CACNA1E: variants seen among roughly 807,000 people sequenced by gnomAD.
CACNA1E encodes the protein calcium voltage-gated channel subunit alpha1 E.
In CACNA1E, 40 loss-of-function variants were observed where a neutral mutation model predicts 259.2. That is an observed-to-expected ratio of 0.15 (90% confidence interval 0.12 to 0.20). The LOEUF (loss-of-function observed/expected upper bound fraction) is 0.20, where lower values mean the gene tolerates loss of function less well. CACNA1E is among the 10% of genes least tolerant of loss of function. The pLI is 1.00. For synonymous variants in CACNA1E, 1,104 were observed against 1,138.5 expected, an observed-to-expected ratio of 0.97 and a Z score of 0.61; for missense variants, 1,874 against 3,040.1, an observed-to-expected ratio of 0.62 and a Z score of 9.02.
intron 1 of CACNA1E, among the ~76,000 whole-genome samples, chr1:181,373,933 T>C (rs576904258): frequency 6.6e-6 from 1 of 152,332 alleles, no homozygotes; most frequent in African/African-American, 2.4e-5. Context: ...ATAAACATTG[T>C]TTATTCTTTT....
intron 6 of CACNA1E, among the ~76,000 whole-genome samples, chr1:181,625,088 G>A (rs1558198049): frequency 6.8e-6 from 1 of 148,086 alleles, no homozygotes; most frequent in Non-Finnish European, 1.5e-5. Context: ...GATCTCAACA[G>A]TGGGCTTAAA....
chr1:181,675,938 C>T (rs73043425), intron 7 of CACNA1E, among the ~76,000 whole-genome samples: 9,411 of 151,714 alleles, frequency 0.062, 981 homozygotes, highest in African/African-American at 0.21. Context: ...CTTCCTGCTC[C>T]GTTTCTCCTC....
At chr1:181,497,193 A>G (rs576554072) in intron 1 of CACNA1E, among the ~76,000 whole-genome samples, 1 of 152,310 alleles carries the variant, frequency 6.6e-6, no homozygotes, top group African/African-American at 2.4e-5. Flanking sequence ...ATGATTAAAG[A>G]GTAACAAATG....
At chr1:181,319,145 G>A (rs971061650) in intron 1 of CACNA1E, among the ~76,000 whole-genome samples, 3 of 152,124 alleles carry the variant, frequency 2.0e-5, no homozygotes, top group African/African-American at 7.2e-5. Flanking sequence ...AGAGATCTGG[G>A]GGCTTGTCGT....
intron 15 of CACNA1E, 54 bp downstream of exon 15, chr1:181,720,909 C>A: frequency 9.3e-7 from 1 of 1,076,096 alleles, no homozygotes; most frequent in Non-Finnish European, 1.4e-6. Flanking sequence ...TTGGACTGCA[C>A]ACTGCAAGAC....
intron 1 of CACNA1E, among the ~76,000 whole-genome samples, chr1:181,383,860 T>G (rs1183077598): frequency 1.3e-5 from 2 of 152,178 alleles, no homozygotes; most frequent in African/African-American, 2.4e-5. Flanking sequence ...CAAAACCTCC[T>G]ACATCATCAT....
At chr1:181,479,214 A>C (rs1419479471), upstream of CACNA1E, among the ~76,000 whole-genome samples, 1 of 152,144 alleles carries the variant, frequency 6.6e-6, no homozygotes, top group Non-Finnish European at 1.5e-5. Flanking sequence ...TTAGTACCTC[A>C]ACAAAGTCCC....
At chr1:181,356,878 C>A (rs1424843216) in intron 1 of CACNA1E, among the ~76,000 whole-genome samples, 1 of 152,076 alleles carries the variant, frequency 6.6e-6, no homozygotes, top group African/African-American at 2.4e-5. Flanking sequence ...TTAGAGTATT[C>A]TTTGGCTCCA....
At chr1:181,343,020 A>ATATT (rs994020716) in intron 1 of CACNA1E, among the ~76,000 whole-genome samples, 3 of 151,924 alleles carry the variant, frequency 2.0e-5, no homozygotes, top group African/African-American at 4.8e-5. Flanking sequence ...AGGGGGTGGT[A>ATATT]TATTGGGAGG....
chr1:181,790,151 A>C (rs2102867749), intron 43 of CACNA1E, among the ~76,000 whole-genome samples: 1 of 152,334 alleles, frequency 6.6e-6, no homozygotes, highest in African/African-American at 2.4e-5. Context: ...ATAGGTTTAC[A>C]ATCTAGTGTT....
rs1329728765 is a variant in CACNA1E at position 181,716,087 on chromosome 1, C to G, written c.1273C>G (p.Arg425Gly). 3.2e-6 allele frequency: 5 copies of G among 1,573,466 alleles called. No homozygotes were observed. The highest frequency in any genetic ancestry group is 4.3e-6 in the Non-Finnish European group (5 of 1,158,946). ...IKRSRTEAMT[R>G]DSSDEHCVDI... ...GAGGAGCCGGACAGAGGCCATGACTCGAGACTCCAGTGATGAGCACTGTGT... is the reference window on the plus strand; with the variant it reads ...GAGGAGCCGGACAGAGGCCATGACTGGAGACTCCAGTGATGAGCACTGTGT... The change falls in exon 10 of 48, where the codon CGA becomes GGA. Residue 425 changes from arginine to glycine, a missense_variant. This residue lies in a region of CACNA1E where 157 missense variants were observed against 203.5 expected (regional missense o/e 0.77). Coordinates refer to ENST00000367573, the MANE Select transcript of CACNA1E (RefSeq NM_001205293.3).
At chr1:181,665,731 C>G (rs1305613230) in intron 7 of CACNA1E, among the ~76,000 whole-genome samples, 3 of 151,886 alleles carry the variant, frequency 2.0e-5, no homozygotes, top group African/African-American at 7.3e-5. Flanking sequence ...TAAATATGTA[C>G]AATTACAATG....
intron 3 of CACNA1E, among the ~76,000 whole-genome samples, chr1:181,567,000 CAG>C (rs1372880331): frequency 6.6e-6 from 1 of 152,098 alleles, no homozygotes; most frequent in Admixed American, 6.5e-5. Flanking sequence ...ATGCATAAGG[CAG>C]CTCCCCACCA....
Position 181,758,905 on chromosome 1 carries a change from T to C in CACNA1E, c.4605+37T>C, listed in dbSNP as rs767734982. ...AATCCTTCCCAGCACTGGGCTTGTC[T>C]CTTTCTGTTGGGTGCCTTCCCAGTC... On this transcript the variant is annotated intron_variant, in intron 32 of 47. Coordinates refer to ENST00000367573, the MANE Select transcript of CACNA1E (RefSeq NM_001205293.3). This position sits in a 1 kb window ranked among gnomAD's most constrained non-coding sequence, Gnocchi z 4.2. 20 of 1,167,526 alleles carry C rather than the reference T, an allele frequency of 1.7e-5. No homozygotes were observed. Among genetic ancestry groups the C allele is most frequent in the Admixed American group, 7.1e-5 (4 of 56,176 alleles). The allele number at this position is 1,167,526 out of a possible 1,614,324, so 72.3% of individuals were successfully genotyped here.
At chr1:181,529,738 C>T (rs1667633896) in intron 3 of CACNA1E, among the ~76,000 whole-genome samples, 1 of 152,176 alleles carries the variant, frequency 6.6e-6, no homozygotes, top group Non-Finnish European at 1.5e-5. Context: ...CCTGCAACAC[C>T]TTTGTTTTGG....
Position 181,730,411 on chromosome 1 carries a change from C to G in CACNA1E, c.2241-764C>G, listed in dbSNP as rs149240676. On this transcript the variant is annotated intron_variant, in intron 18 of 47. Transcript: ENST00000367573. Reference sequence around the variant, plus strand: ...TTACCAGGCATCCTGTCTGTTTTTGCGGGAACAGTTCATACGTTGCCATTC... The same window carrying G: ...TTACCAGGCATCCTGTCTGTTTTTGGGGGAACAGTTCATACGTTGCCATTC... Among the ~76,000 whole-genome samples, 17 of 152,304 alleles carry G rather than the reference C, an allele frequency of 1.1e-4. No individual in the cohort carries two copies. The South Asian group carries it at 3.5e-3, about 32-fold the overall frequency.
chr1:181,554,597 G>A (rs756329143), intron 3 of CACNA1E, among the ~76,000 whole-genome samples: 1 of 152,140 alleles, frequency 6.6e-6, no homozygotes, highest in Non-Finnish European at 1.5e-5. Flanking sequence ...GATACTAATG[G>A]TCCTCACATT....
At chr1:181,468,311 A>G (rs536463072) in intron 2 of CACNA1E, among the ~76,000 whole-genome samples, 3 of 152,188 alleles carry the variant, frequency 2.0e-5, no homozygotes, top group Non-Finnish European at 2.9e-5. Flanking sequence ...TGCGAGTTGC[A>G]CTTGCACCTG....
chr1:181,591,853 C>T (rs1182271586), intron 6 of CACNA1E, among the ~76,000 whole-genome samples: 1 of 152,214 alleles, frequency 6.6e-6, no homozygotes, highest in African/African-American at 2.4e-5. Context: ...GCCTTTGACA[C>T]ATGTCTGGCA....
Sources: allele counts gnomAD v4.1 joint callset (sites outside exome capture counted in the v4.1 genomes callset), GRCh38; gene constraint gnomAD v4.1.1; regional missense constraint gnomAD v4.1.1; non-coding constraint Gnocchi (gnomAD v3.1); transcripts MANE v1.5; gene names NCBI Gene and HGNC (gene_info 2026-07-23, HGNC 2026-07-21).